The following OR4C16 variants were observed in gnomAD, a reference collection of about 807,000 sequenced individuals.
OR4C16 encodes olfactory receptor 4C16.
OR4C16 carries 24 observed loss-of-function variants against 14.4 expected under a neutral mutation model. That is an observed-to-expected ratio of 1.66 (90% CI 1.21 to 2.34). The LOEUF is 2.34. Among genes scored for constraint, OR4C16 ranks in the 30% most tolerant of loss-of-function variants. OR4C16 has a pLI of 0.00. For synonymous variants in OR4C16, 233 were observed against 133.5 expected (o/e 1.75, Z -5.14); for missense variants, 674 against 364.2 (o/e 1.85, Z -6.92).
Position 55,572,348 on chromosome 11 carries a change from C to T in OR4C16, c.221C>T (p.Ser74Phe), listed in dbSNP as rs761357610. The change falls in exon 1 of 1, where the codon TCC (serine) becomes TTC (phenylalanine). Residue 74 changes from serine to phenylalanine, a missense_variant. Physicochemically the swap from Ser to Phe is radical, Grantham distance 155. Coordinates refer to ENST00000623907, the MANE Select transcript of OR4C16 (RefSeq NM_001004701.2). ...TTATCTGATACTTGCCTCTCTACTT[C>T]CATAACCCCTAGAATGATTGTGGAT... ...LSLSDTCLST[S>F]ITPRMIVDAL... 6.8e-6 allele frequency: 11 copies of T among 1,613,190 alleles called. No homozygotes were observed. The highest frequency in any genetic ancestry group is 8.5e-6 in the Non-Finnish European group (10 of 1,179,306).
rs1249067947 is a variant in OR4C16 at position 55,572,189 on chromosome 11, G to A, written c.62G>A (p.Trp21Ter). 1 of 1,611,756 alleles carries A rather than the reference G, an allele frequency of 6.2e-7. No homozygotes were observed. Among genetic ancestry groups the A allele is most frequent in the Non-Finnish European group, 8.5e-7 (1 of 1,178,496 alleles). The stretch of plus-strand genomic sequence containing the variant: ...CTTGGATTGACACAGGATCCTTTTT[G>A]GAAGAAAATAGTGTTTGTTATTTTT... ...ILLGLTQDPF[W>*]KKIVFVIFLR... The change falls in exon 1 of 1, where the codon TGG becomes TAG. Residue 21 changes from tryptophan (W) to a stop codon, truncating the protein, a stop_gained. Transcript: ENST00000623907. LOFTEE classifies it high-confidence loss of function.
rs761916811 is a variant in OR4C16, at chr11:55,572,987, T to C, written c.860T>C (p.Leu287Pro). Reference sequence around the variant, plus strand: ...TTTCTCAACCCTGTGATTTACACGCTGAAGAATACAGAAGTGAAAAGTGCC... The same window carrying C: ...TTTCTCAACCCTGTGATTTACACGCCGAAGAATACAGAAGTGAAAAGTGCC... ...TSFLNPVIYT[L>P]KNTEVKSAMR... The change falls in exon 1 of 1, where the codon CTG (leucine) becomes CCG (proline). Residue 287 changes from leucine (L) to proline (P), a missense_variant. By Grantham distance (98) the Leu-to-Pro change is moderately conservative. Coordinates refer to ENST00000623907, the MANE Select transcript of OR4C16 (RefSeq NM_001004701.2). 1.2e-6 allele frequency: 2 copies of C among 1,610,914 alleles called. No homozygotes were observed. Among genetic ancestry groups the C allele is most frequent in the Non-Finnish European group, 1.7e-6 (2 of 1,177,952 alleles).
chr11:55,572,390 C>T lies in OR4C16; in HGVS notation c.263C>T (p.Thr88Ile). 3 of 1,613,862 alleles carry T rather than the reference C, an allele frequency of 1.9e-6. No homozygotes were observed. The highest frequency in any genetic ancestry group is 2.2e-5 in the South Asian group (2 of 91,072). Residue 88 changes from threonine to isoleucine, a missense_variant, in exon 1 of 1, where the codon ACA becomes ATA. Physicochemically the swap from Thr to Ile is moderately conservative, Grantham distance 89 (BLOSUM62 -1). Coordinates refer to ENST00000623907, the MANE Select transcript of OR4C16 (RefSeq NM_001004701.2). ...RMIVDALLKK[T>I]TISFSECMIQ... ...ATTGTGGATGCCCTTTTGAAGAAGA[C>T]AACTATCTCCTTCAGCGAGTGCATG...
rs1323248009 is a variant in OR4C16, at chr11:55,572,336, G to A, written c.209G>A (p.Cys70Tyr). Residue 70 changes from cysteine (C) to tyrosine (Y), a missense_variant, in exon 1 of 1, where the codon TGC (cysteine) becomes TAC (tyrosine). Coordinates refer to ENST00000623907, the MANE Select transcript of OR4C16 (RefSeq NM_001004701.2). ...FLFYLSLSDT[C>Y]LSTSITPRMI... ...TTCTACTTATCCTTATCTGATACTT[G>A]CCTCTCTACTTCCATAACCCCTAGA... 9 of 1,613,112 alleles carry A rather than the reference G, an allele frequency of 5.6e-6. No homozygotes were observed. The highest frequency in any genetic ancestry group is 1.1e-5 in the South Asian group (1 of 91,044).
chr11:55,572,896 A>C lies in OR4C16; in HGVS notation c.769A>C (p.Thr257Pro), dbSNP rs766837037. 6.2e-7 allele frequency: 1 copy of C among 1,613,920 alleles called. No homozygotes were observed. Among genetic ancestry groups the C allele is most frequent in the East Asian group, 2.2e-5 (1 of 44,862 alleles). ...CTTTGGACCTTGCATATTTATGTAC[A>C]CATGCCTTGCAACCGTATTCCCCAT... ...LFFGPCIFMY[T>P]CLATVFPMDK... Residue 257 changes from threonine to proline, a missense_variant, in exon 1 of 1, where the codon ACA (threonine) becomes CCA (proline). Thr to Pro is a conservative substitution (Grantham distance 38). Coordinates refer to ENST00000623907, the MANE Select transcript of OR4C16 (RefSeq NM_001004701.2).
At position 55,572,701 on chromosome 11, in the gene OR4C16, G is replaced by T. The variant is rs139489448; in HGVS notation, c.574G>T (p.Val192Leu). ...LLKQACSETY[V>L]VNLLLVSNSG... is the part of the protein sequence containing the mutation. ...GAAACAAGCCTGTTCAGAAACCTAT[G>T]TGGTTAACCTACTCCTGGTTTCCAA... Residue 192 changes from valine (V) to leucine (L), a missense_variant, in exon 1 of 1, where the codon GTG becomes TTG. Coordinates refer to ENST00000623907, the MANE Select transcript of OR4C16 (RefSeq NM_001004701.2). 6.2e-7 allele frequency: 1 copy of T among 1,613,742 alleles called. No homozygotes were observed. The highest frequency in any genetic ancestry group is 8.5e-7 in the Non-Finnish European group (1 of 1,179,840).
Position 55,572,985 on chromosome 11 carries a change from G to A in OR4C16, c.858G>A (p.Thr286=), listed in dbSNP as rs769043935. 1.2e-5 allele frequency: 20 copies of A among 1,611,116 alleles called. No homozygotes were observed. Among genetic ancestry groups the A allele is most frequent in the Admixed American group, 1.7e-5 (1 of 59,796 alleles). The change falls in exon 1 of 1, where the codon ACG becomes ACA. Residue 286 remains threonine, a synonymous_variant. Coordinates refer to ENST00000623907, the MANE Select transcript of OR4C16 (RefSeq NM_001004701.2). Reference sequence around the variant, plus strand: ...CTTTTCTCAACCCTGTGATTTACACGCTGAAGAATACAGAAGTGAAAAGTG... The same window carrying A: ...CTTTTCTCAACCCTGTGATTTACACACTGAAGAATACAGAAGTGAAAAGTG... ...GTSFLNPVIY[T]LKNTEVKSAM...
At position 55,572,631 on chromosome 11, in the gene OR4C16, C is replaced by A. The variant is rs763972357; in HGVS notation, c.504C>A (p.Gly168=). ...IFLALSLPFC[G]PNVINHCFCD... Reference sequence around the variant, plus strand: ...TTGCCCTGAGTTTGCCATTCTGTGGCCCCAATGTGATCAATCACTGTTTCT... The same window carrying A: ...TTGCCCTGAGTTTGCCATTCTGTGGACCCAATGTGATCAATCACTGTTTCT... The change falls in exon 1 of 1, where the codon GGC becomes GGA. Residue 168 remains glycine, a synonymous_variant. Transcript: ENST00000623907. 4.3e-6 allele frequency: 7 copies of A among 1,614,150 alleles called. No homozygotes were observed. The highest frequency in any genetic ancestry group is 5.9e-6 in the Non-Finnish European group (7 of 1,180,012).
In OR4C16 at chr11:55,572,195, A is replaced by G; in HGVS notation, c.68A>G (p.Lys23Arg). The G allele has an allele frequency of 6.2e-7, 1 of 1,612,212 alleles. No individual in the cohort carries two copies. The highest frequency in any genetic ancestry group is 1.7e-4 in the Middle Eastern group (1 of 6,060). Reference sequence around the variant, plus strand: ...TTGACACAGGATCCTTTTTGGAAGAAAATAGTGTTTGTTATTTTTTTGCGT... The same window carrying G: ...TTGACACAGGATCCTTTTTGGAAGAGAATAGTGTTTGTTATTTTTTTGCGT... ...LGLTQDPFWK[K>R]IVFVIFLRLY... Residue 23 changes from lysine (K) to arginine (R), a missense_variant, in exon 1 of 1, where the codon AAA becomes AGA. Coordinates refer to ENST00000623907, the MANE Select transcript of OR4C16 (RefSeq NM_001004701.2).
Position 55,572,885 on chromosome 11 carries a change from T to C in OR4C16, c.758T>C (p.Ile253Thr), listed in dbSNP as rs760257675. ...GTCATCTTGTTCTTTGGACCTTGCATATTTATGTACACATGCCTTGCAACC... is the reference window on the plus strand; with the variant it reads ...GTCATCTTGTTCTTTGGACCTTGCACATTTATGTACACATGCCTTGCAACC... ...IVVILFFGPCIFMYTCLATVF... is the reference protein window; with the variant it reads ...IVVILFFGPCTFMYTCLATVF... The change falls in exon 1 of 1, where the codon ATA becomes ACA. Residue 253 changes from isoleucine to threonine, a missense_variant. By Grantham distance (89) the Ile-to-Thr change is moderately conservative. Transcript: ENST00000623907. 6.2e-6 allele frequency: 10 copies of C among 1,613,994 alleles called. No individual in the cohort carries two copies. Among genetic ancestry groups the C allele is most frequent in the Admixed American group, 1.7e-5 (1 of 59,994 alleles).
Position 55,572,908 on chromosome 11 carries a change from A to G in OR4C16, c.781A>G (p.Thr261Ala), listed in dbSNP as rs778671013. ...CATATTTATGTACACATGCCTTGCA[A>G]CCGTATTCCCCATGGATAAGATGAT... is the stretch of plus-strand genomic sequence containing the variant. ...PCIFMYTCLA[T>A]VFPMDKMIAV... Residue 261 changes from threonine (T) to alanine (A), a missense_variant, in exon 1 of 1, where the codon ACC (threonine) becomes GCC (alanine). Physicochemically the swap from Thr to Ala is moderately conservative, Grantham distance 58 (BLOSUM62 0). Coordinates refer to ENST00000623907, the MANE Select transcript of OR4C16 (RefSeq NM_001004701.2). The G allele has an allele frequency of 1.9e-6, 3 of 1,613,810 alleles. No individual in the cohort carries two copies. The South Asian group carries it at 3.3e-5, about 18-fold the overall frequency.
rs367941415 is a variant in OR4C16 at position 55,572,280 on chromosome 11, G to A, written c.153G>A (p.Gln51=). ...LLIIISVKTS[Q]ALKNPMFFFL... ...TCATTATTAGTGTCAAGACCAGCCA[G>A]GCACTTAAGAACCCAATGTTCTTCT... Residue 51 remains glutamine (Q), a synonymous_variant, in exon 1 of 1, where the codon CAG becomes CAA. Coordinates refer to ENST00000623907, the MANE Select transcript of OR4C16 (RefSeq NM_001004701.2). The A allele has an allele frequency of 3.0e-4, 477 of 1,613,170 alleles. No homozygotes were observed. The highest frequency in any genetic ancestry group is 3.7e-4 in the Non-Finnish European group (436 of 1,179,574).
Position 55,573,033 on chromosome 11 carries a change from G to A in OR4C16, c.906G>A (p.Lys302=), listed in dbSNP as rs766524166. 1.3e-6 allele frequency: 2 copies of A among 1,567,844 alleles called. No homozygotes were observed. The highest frequency in any genetic ancestry group is 3.7e-5 in the Admixed American group (2 of 53,542). Residue 302 remains lysine (K), a synonymous_variant, in exon 1 of 1, where the codon AAG becomes AAA. Coordinates refer to ENST00000623907, the MANE Select transcript of OR4C16 (RefSeq NM_001004701.2). ...VKSAMRKLWS[K]KLITDDKR ...GTGCCATGAGGAAGCTTTGGAGCAA[G>A]AAATTGATCACAGATGACAAAAGAT...
rs773207176 is a variant in OR4C16 at position 55,572,497 on chromosome 11, A to T, written c.370A>T (p.Ile124Phe). Residue 124 changes from isoleucine to phenylalanine, a missense_variant, in exon 1 of 1, where the codon ATC becomes TTC. Coordinates refer to ENST00000623907, the MANE Select transcript of OR4C16 (RefSeq NM_001004701.2). ...CACGGCTGTTGACCGCTATGTGGAC[A>T]TCTGTAAGCCCCTGCACTACATGAC... ...ILTAVDRYVD[I>F]CKPLHYMTII... The T allele has an allele frequency of 6.2e-7, 1 of 1,614,074 alleles. No homozygotes were observed. Among genetic ancestry groups the T allele is most frequent in the Non-Finnish European group, 8.5e-7 (1 of 1,180,006 alleles).
Position 55,572,563 on chromosome 11 carries a change from G to A in OR4C16, c.436G>A (p.Ala146Thr). 6.8e-6 allele frequency: 11 copies of A among 1,614,072 alleles called. No individual in the cohort carries two copies. The highest frequency in any genetic ancestry group is 2.2e-5 in the South Asian group (2 of 91,076). Residue 146 changes from alanine to threonine, a missense_variant, in exon 1 of 1, where the codon GCC (alanine) becomes ACC (threonine). Coordinates refer to ENST00000623907, the MANE Select transcript of OR4C16 (RefSeq NM_001004701.2). ...GGTCTGTGGTGTTTTGATGGCTGTG[G>A]CCTGGGTGGGATCCTGTGTGCATTC... is the stretch of plus-strand genomic sequence containing the variant. ...QWVCGVLMAV[A>T]WVGSCVHSLV...
rs150491552 is a variant in OR4C16, at chr11:55,572,214, T to A, written c.87T>A (p.Phe29Leu). 1 of 1,611,496 alleles carries A rather than the reference T, an allele frequency of 6.2e-7. No individual in the cohort carries two copies. Among genetic ancestry groups the A allele is most frequent in the Non-Finnish European group, 8.5e-7 (1 of 1,177,768 alleles). ...PFWKKIVFVIFLRLYLGTLLG... is the reference protein window; with the variant it reads ...PFWKKIVFVILLRLYLGTLLG... ...GGAAGAAAATAGTGTTTGTTATTTT[T>A]TTGCGTCTCTACTTGGGAACACTGT... Residue 29 changes from phenylalanine to leucine, a missense_variant, in exon 1 of 1, where the codon TTT becomes TTA. Coordinates refer to ENST00000623907, the MANE Select transcript of OR4C16 (RefSeq NM_001004701.2).
Position 55,572,630 on chromosome 11 carries a change from G to T in OR4C16, c.503G>T (p.Gly168Val), listed in dbSNP as rs761011727. ...CTTGCCCTGAGTTTGCCATTCTGTGGCCCCAATGTGATCAATCACTGTTTC... is the reference window on the plus strand; with the variant it reads ...CTTGCCCTGAGTTTGCCATTCTGTGTCCCCAATGTGATCAATCACTGTTTC... ...IFLALSLPFCGPNVINHCFCD... is the reference protein window; with the variant it reads ...IFLALSLPFCVPNVINHCFCD... Residue 168 changes from glycine (G) to valine (V), a missense_variant, in exon 1 of 1, where the codon GGC becomes GTC. Coordinates refer to ENST00000623907, the MANE Select transcript of OR4C16 (RefSeq NM_001004701.2). 6.2e-7 allele frequency: 1 copy of T among 1,614,116 alleles called. No individual in the cohort carries two copies. The highest frequency in any genetic ancestry group is 8.5e-7 in the Non-Finnish European group (1 of 1,180,018).
rs1857401702 is a variant in OR4C16, at chr11:55,572,670, C to T, written c.543C>T (p.Pro181=). ...VINHCFCDLQ[P]LLKQACSETY... ...ATCACTGTTTCTGTGACTTGCAGCC[C>T]TTGTTGAAACAAGCCTGTTCAGAAA... The change falls in exon 1 of 1, where the codon CCC becomes CCT. Residue 181 remains proline, a synonymous_variant. Transcript: ENST00000623907. The T allele has an allele frequency of 6.2e-7, 1 of 1,614,114 alleles. No homozygotes were observed. Among genetic ancestry groups the T allele is most frequent in the Non-Finnish European group, 8.5e-7 (1 of 1,179,996 alleles).
In OR4C16 at chr11:55,572,833, T is replaced by A; in HGVS notation, c.706T>A (p.Ser236Thr). The change falls in exon 1 of 1, where the codon TCC becomes ACC. Residue 236 changes from serine (S) to threonine (T), a missense_variant. Ser to Thr is a moderately conservative substitution (Grantham distance 58). Transcript: ENST00000623907. ...TGCTGAAGTGATAAAGAAAGCACTTTCCACATGTGTCTCCCACATCATTGT... is the reference window on the plus strand; with the variant it reads ...TGCTGAAGTGATAAAGAAAGCACTTACCACATGTGTCTCCCACATCATTGT... The part of the protein sequence containing the change: ...HSAEVIKKAL[S>T]TCVSHIIVVI... 1 of 1,613,970 alleles carries A rather than the reference T, an allele frequency of 6.2e-7. No individual in the cohort carries two copies. Among genetic ancestry groups the A allele is most frequent in the Non-Finnish European group, 8.5e-7 (1 of 1,179,834 alleles).
Sources: gnomAD v4.1 joint callset for allele counts on GRCh38, gnomAD v4.1.1 for gene constraint, MANE v1.5 for transcripts, NCBI Gene and HGNC (gene_info 2026-07-23, HGNC 2026-07-21) for gene names.